Variants in CCNB3 observed in about 807,000 individuals in gnomAD.
CCNB3 encodes cyclin B3.
CCNB3 carries 12 observed loss-of-function variants against 68.0 expected under a neutral mutation model. The ratio of observed to expected loss-of-function variants is 0.18; its 90% CI spans 0.11 to 0.29. The LOEUF is 0.29. CCNB3 is among the 10% of genes least tolerant of loss of function. CCNB3 has a pLI of 1.00. For missense variants in CCNB3, 904 were observed against 993.1 expected, an observed-to-expected ratio of 0.91 and a Z score of 1.21; for synonymous variants, 354 against 388.9, an observed-to-expected ratio of 0.91 and a Z score of 1.06.
chrX:50,223,112 C>G (rs1175489839), intron 1 of CCNB3, among the ~76,000 whole-genome samples: 1 of 110,780 alleles, frequency 9.0e-6, no homozygotes, highest in African/African-American at 3.3e-5. Context: ...TCAGCTCCAT[C>G]AGGTCATTTA....
At chrX:50,335,290 A>G (rs181416959) in intron 8 of CCNB3, among the ~76,000 whole-genome samples, 21 of 112,108 alleles carry the variant, frequency 1.9e-4, no homozygotes, top group Middle Eastern at 4.6e-3. Flanking sequence ...AGCTAGTCTG[A>G]TGCTAAAGAA....
chrX:50,317,543 T>TATG (rs1557215939), intron 8 of CCNB3, among the ~76,000 whole-genome samples: 2 of 99,683 alleles, frequency 2.0e-5, no homozygotes, highest in Non-Finnish European at 4.0e-5. Context: ...GTATTTAAAT[T>TATG]TATGTATGTA....
intron 1 of CCNB3, among the ~76,000 whole-genome samples, chrX:50,280,133 A>G (rs1936098261): frequency 2.2e-5 from 2 of 89,717 alleles, no homozygotes; most frequent in African/African-American, 4.2e-5. Flanking sequence ...TATAGAATAT[A>G]TGTAAAAATA....
At chrX:50,293,606 G>A (rs1557210432) in intron 4 of CCNB3, among the ~76,000 whole-genome samples, 1 of 111,205 alleles carries the variant, frequency 9.0e-6, no homozygotes, top group African/African-American at 3.3e-5. Flanking sequence ...TTATTTGTAT[G>A]TTCTATATTG....
At position 50,342,298 on chromosome X, in the gene CCNB3, C is replaced by G; in HGVS notation, c.3613C>G (p.Leu1205Val). ...KAVCKKDKLQ[L>V]LGATAFMIAA... ...AGTATGCAAGAAGGATAAGTTACAA[C>G]TCCTTGGTGCCACTGCCTTTATGAT... Residue 1205 changes from leucine to valine, a missense_variant, in exon 9 of 13, where the codon CTC becomes GTC. Physicochemically the swap from Leu to Val is conservative, Grantham distance 32. Transcript: ENST00000376042. 8.3e-7 allele frequency: 1 copy of G among 1,206,581 alleles called. No individual in the cohort carries two copies. The highest frequency in any genetic ancestry group is 1.1e-6 in the Non-Finnish European group (1 of 893,064).
At chrX:50,280,842 T>G (rs1402757284) in intron 1 of CCNB3, among the ~76,000 whole-genome samples, 1 of 110,615 alleles carries the variant, frequency 9.0e-6, no homozygotes, top group Admixed American at 9.7e-5. Flanking sequence ...TCACTGCAAC[T>G]TCTGCCTCCC....
chrX:50,209,992 C>G (rs1935457636), intron 1 of CCNB3, among the ~76,000 whole-genome samples: 2 of 111,721 alleles, frequency 1.8e-5, no homozygotes, highest in Admixed American at 9.5e-5. Flanking sequence ...AAATTTTTAG[C>G]TACTAAAAAA....
At position 50,308,393 on chromosome X, in the gene CCNB3, G is replaced by A. The variant is rs1032846689; in HGVS notation, c.336-112G>A. 15 of 514,327 alleles carry A rather than the reference G, an allele frequency of 2.9e-5. No individual in the cohort carries two copies. In the Admixed American group the frequency reaches 4.3e-4, roughly 15 times the overall value. The allele number at this position is 514,327 out of a possible 1,213,427, so 42.4% of individuals were successfully genotyped here. On this transcript the variant is annotated intron_variant, in intron 5 of 12. Coordinates refer to ENST00000376042, the MANE Select transcript of CCNB3 (RefSeq NM_033031.3). ...TTGTCCCTCTAATCTGTCTTATGGG[G>A]TTGAAGCCCCTTCCCCTTTCATACC...
upstream of CCNB3, chrX:50,204,657 C>CT (rs1345954890): frequency 1.1e-5 from 1 of 87,547 alleles, no homozygotes; most frequent in African/African-American, 4.8e-5. Flanking sequence ...TTAAGTCTGA[C>CT]TAAAAAAAAA....
At chrX:50,313,677 G>A (rs1023376094) in intron 7 of CCNB3, among the ~76,000 whole-genome samples, 179 bp from the exon 8 acceptor site, 2 of 111,810 alleles carry the variant, frequency 1.8e-5, no homozygotes, top group East Asian at 2.8e-4. Context: ...TGAATATCAC[G>A]TGTCTATTTC....
At chrX:50,313,820 G>A (rs1557215405) in intron 7 of CCNB3, 36 bp from the exon 8 acceptor site, 1 of 1,011,097 alleles carries the variant, frequency 9.9e-7, no homozygotes, top group East Asian at 3.0e-5. Context: ...TATAAGAAGA[G>A]TTTATTTATT....
At chrX:50,334,516 G>A (rs999924762) in intron 8 of CCNB3, among the ~76,000 whole-genome samples, 13 of 112,708 alleles carry the variant, frequency 1.2e-4, no homozygotes, top group Non-Finnish European at 2.2e-4. Flanking sequence ...TAACAGGGCT[G>A]TTGCTGCCAG....
At chrX:50,308,299 G>A (rs1921189314) in intron 5 of CCNB3, among the ~76,000 whole-genome samples, 2 of 112,100 alleles carry the variant, frequency 1.8e-5, no homozygotes, top group Admixed American at 1.9e-4. Flanking sequence ...ATAGAAAAGT[G>A]TAGGTATCTA....
intron 1 of CCNB3, among the ~76,000 whole-genome samples, chrX:50,228,669 T>C (rs1467967545): frequency 1.2e-5 from 1 of 82,646 alleles, no homozygotes; most frequent in East Asian, 3.5e-4. Flanking sequence ...AGAATATATA[T>C]AGAATATATA....
intron 9 of CCNB3, among the ~76,000 whole-genome samples, chrX:50,345,357 A>G (rs896338013): frequency 3.2e-5 from 3 of 92,555 alleles, no homozygotes; most frequent in Non-Finnish European, 4.3e-5. Flanking sequence ...CTTCCTTCCC[A>G]GGCTCCCTCT....
chrX:50,313,634 C>T (rs1921579811), intron 7 of CCNB3, among the ~76,000 whole-genome samples: 1 of 111,550 alleles, frequency 9.0e-6, no homozygotes, highest in Admixed American at 9.6e-5. Flanking sequence ...GCCCTTATTT[C>T]CCCCTGGATT....
intron 8 of CCNB3, among the ~76,000 whole-genome samples, chrX:50,321,244 A>AT (rs1392780119): frequency 9.0e-6 from 1 of 111,612 alleles, no homozygotes. Flanking sequence ...AAGAAGTTAT[A>AT]TTTTTTACCA....
chrX:50,333,273 C>T (rs1465336596), intron 8 of CCNB3, among the ~76,000 whole-genome samples: 1 of 111,328 alleles, frequency 9.0e-6, no homozygotes, highest in Non-Finnish European at 1.9e-5. Context: ...CACGGGTTAC[C>T]TCGTAGGCCT....
At chrX:50,316,839 C>A (rs5915259) in intron 8 of CCNB3, among the ~76,000 whole-genome samples, 48,141 of 111,101 alleles carry the variant, frequency 0.43, 8,772 homozygotes, top group Non-Finnish European at 0.58. Flanking sequence ...CACAGTTTAT[C>A]CATTCTCCTG....
Sources: gnomAD v4.1 joint callset for allele counts (sites outside exome capture counted in the v4.1 genomes callset) on GRCh38, gnomAD v4.1.1 for gene constraint, MANE v1.5 for transcripts, NCBI Gene and HGNC (gene_info 2026-07-23, HGNC 2026-07-21) for gene names.